Variants in GSAP observed in about 807,000 individuals in gnomAD.
The protein encoded by GSAP is gamma-secretase activating protein.
In GSAP, 118 loss-of-function variants were observed where a neutral mutation model predicts 131.7. The ratio of observed to expected loss-of-function variants is 0.90; its 90% confidence interval spans 0.77 to 1.04. GSAP has a LOEUF of 1.04. GSAP is among the 50% of genes least tolerant of loss of function. GSAP has a pLI of 0.00. For synonymous variants in GSAP, 381 were observed against 363.4 expected, an observed-to-expected ratio of 1.05 and a Z score of -0.55; for missense variants, 1,019 against 1,013.2, an observed-to-expected ratio of 1.01 and a Z score of -0.08.
intron 19 of GSAP, among the ~76,000 whole-genome samples, chr7:77,341,037 C>A (rs1716745198): frequency 6.6e-6 from 1 of 152,192 alleles, no homozygotes; most frequent in Non-Finnish European, 1.5e-5. Flanking sequence ...TTGTGTAACA[C>A]CGCTTGGCCC....
At chr7:77,381,616 T>C (rs894229443) in intron 7 of GSAP, among the ~76,000 whole-genome samples, 1 of 152,306 alleles carries the variant, frequency 6.6e-6, no homozygotes, top group East Asian at 1.9e-4. Flanking sequence ...ATGAAGTATT[T>C]AGCCCTCCTG....
chr7:77,371,136 T>G (rs1434569087), intron 12 of GSAP, among the ~76,000 whole-genome samples: 1 of 152,136 alleles, frequency 6.6e-6, no homozygotes, highest in Non-Finnish European at 1.5e-5. Context: ...GATCTTTTAG[T>G]CAACATGTCT....
intron 1 of GSAP, among the ~76,000 whole-genome samples, chr7:77,410,044 G>A (rs1425021322): frequency 6.6e-6 from 1 of 152,162 alleles, no homozygotes; most frequent in African/African-American, 2.4e-5. Flanking sequence ...TTCCCTGGGT[G>A]ATTCTAATGT....
At chr7:77,363,679 T>G (rs1291973010) in intron 12 of GSAP, among the ~76,000 whole-genome samples, 1 of 152,238 alleles carries the variant, frequency 6.6e-6, no homozygotes, top group African/African-American at 2.4e-5. Flanking sequence ...CAATTATGAC[T>G]TTTTAATGAC....
rs577232872 is a variant in GSAP at position 77,361,280 on chromosome 7, T to C, written c.950-379A>G. Among the ~76,000 whole-genome samples the C allele has an allele frequency of 2.6e-5, 4 of 152,330 alleles. 1 individual carries two copies. Among genetic ancestry groups the C allele is most frequent in the African/African-American group, 9.6e-5 (4 of 41,580 alleles). ...TGCAGTCATTAAGACCCTCTGAGAC[T>C]TCTCCAAATCACTTACAAATCCCAC... is the stretch of plus-strand genomic sequence containing the variant. On this transcript the variant is annotated intron_variant, in intron 13 of 30. Transcript: ENST00000257626.
chr7:77,318,323 A>C (rs957197192), intron 26 of GSAP, among the ~76,000 whole-genome samples: 4 of 151,678 alleles, frequency 2.6e-5, no homozygotes, highest in African/African-American at 9.7e-5. Flanking sequence ...ATGTGGTCCA[A>C]CTTAAGTTTC....
intron 14 of GSAP, among the ~76,000 whole-genome samples, chr7:77,358,213 G>A (rs537606086): frequency 6.3e-4 from 96 of 152,208 alleles, no homozygotes; most frequent in Non-Finnish European, 1.1e-3. Context: ...ATGGCGGCAT[G>A]CGCCTGTAAT....
At chr7:77,410,209 T>C (rs1020521691) in intron 1 of GSAP, among the ~76,000 whole-genome samples, 2 of 152,170 alleles carry the variant, frequency 1.3e-5, no homozygotes, top group African/African-American at 4.8e-5. Flanking sequence ...CATTAGGTAA[T>C]AACTGCAGGG....
At chr7:77,383,634 G>A (rs1446248496) in intron 6 of GSAP, among the ~76,000 whole-genome samples, 3 of 152,182 alleles carry the variant, frequency 2.0e-5, no homozygotes, top group Admixed American at 2.0e-4. Flanking sequence ...GCAGGACAAA[G>A]TAGGCTGCCA....
Position 77,374,141 on chromosome 7 carries a change from C to A in GSAP, c.800G>T (p.Gly267Val). The A allele has an allele frequency of 6.4e-7, 1 of 1,567,072 alleles. No individual in the cohort carries two copies. Among genetic ancestry groups the A allele is most frequent in the Non-Finnish European group, 8.7e-7 (1 of 1,143,408 alleles). Residue 267 changes from glycine (G) to valine (V), a missense_variant, in exon 12 of 31, where the codon GGA becomes GTA. Coordinates refer to ENST00000257626, the MANE Select transcript of GSAP (RefSeq NM_017439.4). The stretch of plus-strand genomic sequence containing the variant: ...ATCTCGGTATTGATGATAATCACAT[C>A]CAAAGTTGACAAGTCTAAGAACATA... ...SNSGFKLVNF[G>V]CDYHQYRDKF...
chr7:77,332,372 T>G (rs1016408568), intron 19 of GSAP, among the ~76,000 whole-genome samples: 2 of 152,220 alleles, frequency 1.3e-5, no homozygotes, highest in Non-Finnish European at 2.9e-5. Context: ...TTGTATATAT[T>G]TATGGGTTGC....
intron 7 of GSAP, among the ~76,000 whole-genome samples, chr7:77,382,112 A>G (rs776379503): frequency 1.3e-5 from 2 of 151,188 alleles, no homozygotes; most frequent in African/African-American, 2.4e-5. Context: ...TTTATGTCCT[A>G]AACTTATTTG....
intron 1 of GSAP, among the ~76,000 whole-genome samples, chr7:77,406,952 C>G (rs1802380889): frequency 6.6e-6 from 1 of 152,164 alleles, no homozygotes; most frequent in Non-Finnish European, 1.5e-5. Context: ...TGCTAAAGGC[C>G]TCTGATAAAG....
intron 26 of GSAP, chr7:77,315,431 TAAC>T (rs1467562010): frequency 2.0e-5 from 3 of 152,168 alleles, no homozygotes; most frequent in Non-Finnish European, 4.4e-5. Context: ...GCATGCAATA[TAAC>T]AATAGCGACC....
chr7:77,370,600 T>C (rs542433656), intron 12 of GSAP, among the ~76,000 whole-genome samples: 33 of 152,330 alleles, frequency 2.2e-4, no homozygotes, highest in Non-Finnish European at 1.0e-4. Flanking sequence ...TATTTTCCTG[T>C]TTCCTCTCCA....
rs1164880127 is a variant in GSAP at position 77,351,490 on chromosome 7, A to G, written c.1491+1454T>C. 1.0e-5 allele frequency: 10 copies of G among 976,904 alleles called. 1 individual carries two copies. Among genetic ancestry groups the G allele is most frequent in the Non-Finnish European group, 1.2e-5 (10 of 826,488 alleles). 60.5% of individuals were successfully genotyped at this position (976,904 alleles called of 1,614,324 possible). A position where few individuals can be genotyped will look rare whatever the true frequency, so the allele number is the denominator to read the frequency against. On this transcript the variant is annotated intron_variant, in intron 18 of 30. Coordinates refer to ENST00000257626, the MANE Select transcript of GSAP (RefSeq NM_017439.4). ...ATTTGCATCACAGCTAATGATAAGC[A>G]TAGACTGATAGATTTTCAAGATTAG...
chr7:77,376,271 T>C (rs1796838919), intron 10 of GSAP, among the ~76,000 whole-genome samples: 1 of 152,230 alleles, frequency 6.6e-6, no homozygotes, highest in South Asian at 2.1e-4. Context: ...CACCTTCTAC[T>C]AATCCCCACT....
upstream of GSAP, chr7:77,416,425 C>A: frequency 1.8e-6 from 1 of 545,304 alleles, no homozygotes; most frequent in Non-Finnish European, 3.1e-6. Flanking sequence ...CCCCCTCTTT[C>A]CTCTCCCCCG....
chr7:77,334,571 C>T (rs1584318742), intron 19 of GSAP, among the ~76,000 whole-genome samples: 1 of 69,092 alleles, frequency 1.4e-5, no homozygotes, highest in African/African-American at 5.7e-5. Context: ...TATCCTGGAA[C>T]TTAAAATTTA....
Sources: allele counts gnomAD v4.1 joint callset (sites outside exome capture counted in the v4.1 genomes callset), GRCh38; gene constraint gnomAD v4.1.1; transcripts MANE v1.5; gene names NCBI Gene and HGNC (gene_info 2026-07-23, HGNC 2026-07-21).